The following MCM8 variants were observed in gnomAD, a reference collection of about 807,000 sequenced individuals.
The protein encoded by MCM8 is minichromosome maintenance 8 homologous recombination repair factor, also known as DNA helicase MCM8.
In MCM8, 85 loss-of-function variants were observed where a neutral mutation model predicts 98.9. The observed-to-expected ratio is 0.86, with a 90% CI of 0.72 to 1.03. MCM8 has a LOEUF of 1.03. Among genes scored for constraint, MCM8 ranks in the 50% least tolerant of loss-of-function variants. The pLI is 0.00. For missense variants in MCM8, 951 were observed against 997.8 expected, an observed-to-expected ratio of 0.95 and a Z score of 0.63; for synonymous variants, 352 against 338.6, an observed-to-expected ratio of 1.04 and a Z score of -0.44.
chr20:5,962,352 CTTTTTTTTTTTTTTTT>C lies in MCM8; in HGVS notation c.790-904_790-889del, dbSNP rs926577182. On this transcript the variant is annotated intron_variant, in intron 7 of 18. Transcript: ENST00000610722. ...CAGGAGAAGGAATTAGCCTTCATTT[CTTTTTTTTTTTTTTTT>C]TTTTTTTTTTTTTTTTTGAGACGGA... is the stretch of plus-strand genomic sequence containing the variant. Among the ~76,000 whole-genome samples the C allele has an allele frequency of 6.9e-4, 28 of 40,576 alleles. 3 individuals carry two copies. The East Asian group carries it at 0.016, about 23-fold the overall frequency. 26.6% of individuals were successfully genotyped at this position (40,576 alleles called of 152,430 possible). A position where few individuals can be genotyped will look rare whatever the true frequency, so the allele number is the denominator to read the frequency against.
intron 14 of MCM8, 126 bp from the exon 15 acceptor site, chr20:5,984,655 C>A (rs1282332050): frequency 2.5e-5 from 17 of 693,214 alleles, no homozygotes; most frequent in Non-Finnish European, 3.1e-5. Context: ...TTGCTTATTT[C>A]TTTAACCTAA....
At chr20:5,974,685 A>G (rs2089472202) in intron 12 of MCM8, among the ~76,000 whole-genome samples, 1 of 152,220 alleles carries the variant, frequency 6.6e-6, no homozygotes, top group Non-Finnish European at 1.5e-5. Context: ...AGATGATTCT[A>G]ATATGCAGCC....
At position 5,994,368 on chromosome 20, in the gene MCM8, G is replaced by A. The variant is rs2089914758; in HGVS notation, c.2500G>A (p.Val834Ile). ...TTACCTCTTGAAAAAAGGCCCAAAAGTTTACCAGCTTCAAACTATGTAAAA... is the reference window on the plus strand; with the variant it reads ...TTACCTCTTGAAAAAAGGCCCAAAAATTTACCAGCTTCAAACTATGTAAAA... ...QGYLLKKGPKVYQLQTM is the reference protein window; with the variant it reads ...QGYLLKKGPKIYQLQTM The change falls in exon 19 of 19, where the codon GTT (valine) becomes ATT (isoleucine). Residue 834 changes from valine to isoleucine, a missense_variant. Val to Ile is a conservative substitution (Grantham distance 29). Transcript: ENST00000610722. 8.7e-6 allele frequency: 14 copies of A among 1,602,872 alleles called. No homozygotes were observed. The highest frequency in any genetic ancestry group is 1.2e-5 in the Non-Finnish European group (14 of 1,173,988).
At position 5,994,654 on chromosome 20, in the gene MCM8, C is replaced by T. The variant is rs2089925788; in HGVS notation, c.*263C>T. 1 of 484,370 alleles carries T rather than the reference C, an allele frequency of 2.1e-6. No homozygotes were observed. Among genetic ancestry groups the T allele is most frequent in the Non-Finnish European group, 3.8e-6 (1 of 259,750 alleles). 30.0% of individuals were successfully genotyped at this position (484,370 alleles called of 1,614,324 possible). A position where few individuals can be genotyped will look rare whatever the true frequency, so the allele number is the denominator to read the frequency against. ...GTAGCTCACACTGTAATCACAGTGA[C>T]TCAGGAGGCTGAGGTGAGAGGATTC... On this transcript the variant is annotated 3_prime_UTR_variant, in exon 19 of 19. Coordinates refer to ENST00000610722, the MANE Select transcript of MCM8 (RefSeq NM_032485.6).
chr20:5,950,911 G>A lies in MCM8; in HGVS notation c.-118G>A, dbSNP rs2088803766. On this transcript the variant is annotated 5_prime_UTR_variant, in exon 1 of 19. Transcript: ENST00000610722. Reference sequence around the variant, plus strand: ...AGATCCCGGAGACTCTTAGCCCCGTGGTGCTTCTCTACGGGAGGGAGGGAG... The same window carrying A: ...AGATCCCGGAGACTCTTAGCCCCGTAGTGCTTCTCTACGGGAGGGAGGGAG... 1 of 152,174 alleles carries A rather than the reference G, an allele frequency of 6.6e-6. No homozygotes were observed. The highest frequency in any genetic ancestry group is 2.1e-4 in the South Asian group (1 of 4,872). The allele number at this position is 152,174 out of a possible 1,614,324, so 9.4% of individuals were successfully genotyped here.
chr20:5,984,550 G>A (rs779767743), intron 14 of MCM8, among the ~76,000 whole-genome samples: 5 of 152,312 alleles, frequency 3.3e-5, no homozygotes, highest in Non-Finnish European at 7.3e-5. Context: ...TTGGGGGTGT[G>A]AGAAAGAGCC....
intron 10 of MCM8, among the ~76,000 whole-genome samples, chr20:5,971,068 C>T (rs2089391742): frequency 6.6e-6 from 1 of 152,110 alleles, no homozygotes; most frequent in South Asian, 2.1e-4. Context: ...TCCACCTTGG[C>T]CTCCCAGAGT....
At chr20:5,982,397 G>T (rs1460124258) in intron 13 of MCM8, among the ~76,000 whole-genome samples, 1 of 152,132 alleles carries the variant, frequency 6.6e-6, no homozygotes, top group Non-Finnish European at 1.5e-5. Context: ...CAAGCATTAC[G>T]AGGTAATGTT....
chr20:5,972,309 A>C (rs2089421388), intron 11 of MCM8, among the ~76,000 whole-genome samples: 2 of 150,948 alleles, frequency 1.3e-5, no homozygotes, highest in African/African-American at 4.9e-5. Flanking sequence ...GGCTCAGGTC[A>C]TCCTCCTGAC....
At chr20:5,972,856 TTA>T (rs936912934) in intron 11 of MCM8, 198 bp from the exon 12 acceptor site, 20 of 1,353,110 alleles carry the variant, frequency 1.5e-5, no homozygotes, top group Non-Finnish European at 1.5e-5. Context: ...AGCTCTGATT[TTA>T]TATGTTTTCA....
rs951619203 is a variant in MCM8 at position 5,995,062 on chromosome 20, G to T, written c.*671G>T. The T allele has an allele frequency of 6.2e-6, 1 of 161,112 alleles. No homozygotes were observed. The highest frequency in any genetic ancestry group is 6.1e-5 in the Admixed American group (1 of 16,428). The allele number at this position is 161,112 out of a possible 1,614,324, so 10.0% of individuals were successfully genotyped here. A position where few individuals can be genotyped will look rare whatever the true frequency, so the allele number is the denominator to read the frequency against. ...GAATATTTCATAGTTTTGCATATCAGATGTAGGCATACAGACAAATACATA... is the reference window on the plus strand; with the variant it reads ...GAATATTTCATAGTTTTGCATATCATATGTAGGCATACAGACAAATACATA... On this transcript the variant is annotated 3_prime_UTR_variant, in exon 19 of 19. Coordinates refer to ENST00000610722, the MANE Select transcript of MCM8 (RefSeq NM_032485.6).
chr20:5,956,416 TTTG>T (rs1327277505), intron 5 of MCM8, among the ~76,000 whole-genome samples: 3 of 152,286 alleles, frequency 2.0e-5, no homozygotes, highest in South Asian at 2.1e-4. Flanking sequence ...TAAATGTTTG[TTTG>T]TTGTTTATTT....
At chr20:5,985,641 G>A (rs1453646815) in intron 15 of MCM8, among the ~76,000 whole-genome samples, 1 of 151,660 alleles carries the variant, frequency 6.6e-6, no homozygotes, top group African/African-American at 2.4e-5. Flanking sequence ...TGTCTCCCGG[G>A]TTCAAGTGAT....
In MCM8 at chr20:5,998,843, C is replaced by A. The variant is rs1243946590; in HGVS notation, c.*4452C>A. ...AGAAGAACTGAAAACAAAAGCTATA[C>A]CAGGCTTGCTCTAGAGCGTGGGCTT... On this transcript the variant is annotated 3_prime_UTR_variant, in exon 19 of 19. Transcript: ENST00000610722. 6.6e-6 allele frequency: 1 copy of A among 152,146 alleles called. No individual in the cohort carries two copies. The highest frequency in any genetic ancestry group is 1.5e-5 in the Non-Finnish European group (1 of 68,024). The allele number at this position is 152,146 out of a possible 1,614,324, so 9.4% of individuals were successfully genotyped here.
Position 5,957,190 on chromosome 20 carries a change from A to T in MCM8, c.551A>T (p.Asp184Val). The T allele has an allele frequency of 6.2e-7, 1 of 1,613,700 alleles. No individual in the cohort carries two copies. The highest frequency in any genetic ancestry group is 8.5e-7 in the Non-Finnish European group (1 of 1,179,786). The change falls in exon 6 of 19, where the codon GAT (aspartate) becomes GTT (valine). Residue 184 changes from aspartate (D) to valine (V), a missense_variant. Physicochemically the swap from Asp to Val is radical, Grantham distance 152. Transcript: ENST00000610722. ...ELQAQEGLSN[D>V]GETMVNVPHI... ...CAAGCCCAGGAAGGATTGTCTAATG[A>T]TGGAGAAACAATGGTAAATGTGCCA...
chr20:5,971,227 C>T (rs773624078), intron 10 of MCM8, among the ~76,000 whole-genome samples: 11 of 152,220 alleles, frequency 7.2e-5, no homozygotes, highest in Non-Finnish European at 1.2e-4. Context: ...GGGGGTCAGA[C>T]ATGCCTTATT....
Position 5,952,434 on chromosome 20 carries a change from A to G in MCM8, c.159A>G (p.Pro53=). 1.2e-6 allele frequency: 2 copies of G among 1,613,846 alleles called. No individual in the cohort carries two copies. The highest frequency in any genetic ancestry group is 1.3e-5 in the African/African-American group (1 of 75,024). The change falls in exon 3 of 19, where the codon CCA becomes CCG. Residue 53 remains proline, a synonymous_variant. Transcript: ENST00000610722. ...TTGKRTSEQT[P]QFLLSTKTPQ... ...TTTTATTTTTTTCAGAACAAACCCC[A>G]CAGTTTTTGCTTTCAACAAAGACCC...
At chr20:5,967,068 G>T (rs2089290531) in intron 8 of MCM8, among the ~76,000 whole-genome samples, 1 of 152,126 alleles carries the variant, frequency 6.6e-6, no homozygotes, top group African/African-American at 2.4e-5. Context: ...GTCCCACTTT[G>T]CTTGTACGCT....
chr20:5,954,120 A>G (rs1248678448), intron 3 of MCM8, among the ~76,000 whole-genome samples: 1 of 151,820 alleles, frequency 6.6e-6, no homozygotes, highest in African/African-American at 2.4e-5. Flanking sequence ...TGAGAGACAT[A>G]TTTGAAAATG....
Sources: allele counts gnomAD v4.1 joint callset (sites outside exome capture counted in the v4.1 genomes callset), GRCh38; gene constraint gnomAD v4.1.1; transcripts MANE v1.5; gene names NCBI Gene and HGNC (gene_info 2026-07-23, HGNC 2026-07-21).